Variants in XPA observed in about 807,000 individuals in gnomAD.
XPA encodes XPA, DNA damage recognition and repair factor.
In XPA, 27 loss-of-function variants were observed where a neutral mutation model predicts 35.7. That is an observed-to-expected ratio of 0.76 (90% CI 0.56 to 1.04). The LOEUF (loss-of-function observed/expected upper bound fraction) is 1.04. XPA is among the 50% of genes least tolerant of loss of function. The pLI, the probability that XPA is intolerant of heterozygous loss-of-function variation, is 0.00. For synonymous variants in XPA, 133 were observed against 118.4 expected, an observed-to-expected ratio of 1.12 and a Z score of -0.80; for missense variants, 354 against 342.7, an observed-to-expected ratio of 1.03 and a Z score of -0.26.
At chr9:97,662,913 A>C in the XPA span, 2 of 1,407,106 alleles carry the variant, frequency 1.4e-6, no homozygotes, top group Non-Finnish European at 2.0e-6. Flanking sequence ...ATGTTTAATG[A>C]ATAAGTATAT....
chr9:97,677,714 A>G (rs1404678029), intron 5 of XPA, among the ~76,000 whole-genome samples: 3 of 151,620 alleles, frequency 2.0e-5, no homozygotes, highest in East Asian at 1.9e-4. Context: ...ACAACAGAAC[A>G]TAAGAAAGTA....
chr9:97,695,632 T>C (rs1462785806), intron 1 of XPA, among the ~76,000 whole-genome samples: 1 of 152,260 alleles, frequency 6.6e-6, no homozygotes, highest in Non-Finnish European at 1.5e-5. Flanking sequence ...TCTCTGCTGC[T>C]ATGCCTTGCT....
At chr9:97,688,531 C>A (rs909272462) in intron 3 of XPA, among the ~76,000 whole-genome samples, 3 of 152,196 alleles carry the variant, frequency 2.0e-5, no homozygotes, top group Admixed American at 6.5e-5. Flanking sequence ...TAAACTGGTA[C>A]AAGAGTTGCT....
At chr9:97,678,572 G>A (rs549767397) in intron 5 of XPA, among the ~76,000 whole-genome samples, 25 of 152,290 alleles carry the variant, frequency 1.6e-4, no homozygotes, top group African/African-American at 5.5e-4. Flanking sequence ...AGTAAATGGG[G>A]CAAAGGATGC....
chr9:97,685,092 ATTATAG>A lies in XPA; in HGVS notation c.556-58_556-53del, dbSNP rs567712916. 1.6e-4 allele frequency: 238 copies of A among 1,480,410 alleles called. 1 individual carries two copies. Among genetic ancestry groups the A allele is most frequent in the African/African-American group, 1.3e-3 (95 of 72,356 alleles). 91.7% of individuals were successfully genotyped at this position (1,480,410 alleles called of 1,614,324 possible). ...AAGTTGTGATTCAGACTTGCGAAAT[ATTATAG>A]TTATAACTGTCAAATCCAAAGGTAC... On this transcript the variant is annotated intron_variant, in intron 4 of 5. Coordinates refer to ENST00000375128, the MANE Select transcript of XPA (RefSeq NM_000380.4).
intron 2 of XPA, 61 bp from the exon 3 acceptor site, chr9:97,689,700 C>CT (rs1429152912): frequency 3.0e-6 from 3 of 986,072 alleles, no homozygotes; most frequent in Admixed American, 4.1e-5. Context: ...ATATTTTCCT[C>CT]TATTTTATTA....
rs765427384 is a variant in XPA at position 97,684,958 on chromosome 9, T to C, written c.638A>G (p.Lys213Arg). ...AKEVRQENRE[K>R]MKQKKFDKKV... ...TTTATCAAATTTCTTCTGTTTCATT[T>C]TTTCTCGGTTTTCCTGTCGGACTTC... The change falls in exon 5 of 6, where the codon AAA becomes AGA. Residue 213 changes from lysine to arginine, a missense_variant. Lys to Arg is a conservative substitution (Grantham distance 26). Transcript: ENST00000375128. The C allele has an allele frequency of 6.2e-7, 1 of 1,613,716 alleles. No homozygotes were observed. The highest frequency in any genetic ancestry group is 1.7e-5 in the Admixed American group (1 of 60,002).
chr9:97,664,235 A>G, the XPA span: 1 of 666,610 alleles, frequency 1.5e-6, no homozygotes, highest in Non-Finnish European at 2.5e-6. Context: ...CCAAAACTAA[A>G]TTTTATAGCC....
downstream of XPA, chr9:97,672,206 TTC>T (rs1828212837): frequency 6.6e-6 from 1 of 152,188 alleles, no homozygotes; most frequent in African/African-American, 2.4e-5. Flanking sequence ...CATTCCAAAT[TTC>T]GAGGATTTTT....
At chr9:97,675,788 T>C (rs909085392) in intron 5 of XPA, 1 of 636,586 alleles carries the variant, frequency 1.6e-6, no homozygotes, top group African/African-American at 1.8e-5. Flanking sequence ...GTTCGGCCTG[T>C]GAATCAAGTT....
intron 5 of XPA, among the ~76,000 whole-genome samples, chr9:97,681,775 T>TA (rs1247910635): frequency 6.6e-6 from 1 of 152,174 alleles, no homozygotes; most frequent in Non-Finnish European, 1.5e-5. Context: ...CTGTAATGTG[T>TA]AACAGTCCTC....
At chr9:97,665,947 G>C in the XPA span, among the ~76,000 whole-genome samples, 63 of 152,144 alleles carry the variant, frequency 4.1e-4, no homozygotes, top group African/African-American at 1.4e-3. Context: ...AGTGAGAGTG[G>C]ATCATCATAA....
downstream of XPA, chr9:97,673,645 A>G (rs1011164264): frequency 4.1e-4 from 62 of 152,230 alleles, no homozygotes; most frequent in African/African-American, 1.4e-3. Flanking sequence ...CCAGTAATGA[A>G]GTTCATACAG....
the XPA span, among the ~76,000 whole-genome samples, chr9:97,656,299 A>T: frequency 1.3e-5 from 2 of 152,222 alleles, no homozygotes; most frequent in African/African-American, 4.8e-5. Flanking sequence ...AAGATGTCAC[A>T]GGCCGGGCGC....
At chr9:97,684,774 A>T (rs932727361) in intron 5 of XPA, 149 bp downstream of exon 5, 1 of 718,030 alleles carries the variant, frequency 1.4e-6, no homozygotes, top group Admixed American at 2.1e-5. Context: ...GAAGACCAAC[A>T]TACTGAGGGC....
intron 5 of XPA, among the ~76,000 whole-genome samples, chr9:97,677,292 C>G (rs1054180313): frequency 3.3e-5 from 5 of 152,056 alleles, no homozygotes; most frequent in Non-Finnish European, 5.9e-5. Context: ...CTTTTTCTCC[C>G]CACTCTTCAG....
At chr9:97,693,081 AT>A (rs142629207) in intron 2 of XPA, among the ~76,000 whole-genome samples, 33,480 of 149,558 alleles carry the variant, frequency 0.22, 4,544 homozygotes, top group Non-Finnish European at 0.31. Context: ...AAAAGCTGTT[AT>A]ATTGCACTGT....
intron 4 of XPA, among the ~76,000 whole-genome samples, chr9:97,686,663 A>G (rs1040982890): frequency 1.3e-5 from 2 of 152,162 alleles, no homozygotes; most frequent in Non-Finnish European, 2.9e-5. Flanking sequence ...GTGGCGGCTC[A>G]TGCCTGTAAT....
chr9:97,696,048 G>A (rs1282962302), intron 1 of XPA, among the ~76,000 whole-genome samples: 1 of 152,186 alleles, frequency 6.6e-6, no homozygotes, highest in Non-Finnish European at 1.5e-5. Flanking sequence ...CTCAAGTTTA[G>A]AAAGGAATAA....
Sources: gnomAD v4.1 joint callset for allele counts (sites outside exome capture counted in the v4.1 genomes callset) on GRCh38, gnomAD v4.1.1 for gene constraint, MANE v1.5 for transcripts, NCBI Gene and HGNC (gene_info 2026-07-23, HGNC 2026-07-21) for gene names.